The following MUSK variants were observed in gnomAD, a reference collection of about 807,000 sequenced individuals.
MUSK encodes the protein muscle associated receptor tyrosine kinase.
A neutral mutation model predicts 88.7 loss-of-function variants in MUSK; 55 were observed. The observed-to-expected ratio is 0.62, with a 90% CI of 0.50 to 0.78. MUSK has a LOEUF of 0.78. Ranked by LOEUF, MUSK falls within the 30% of genes least tolerant of loss-of-function variation. The pLI is 0.00. For synonymous variants in MUSK, 387 were observed against 391.9 expected (o/e 0.99, Z 0.15); for missense variants, 1,015 against 1,074.3 (o/e 0.94, Z 0.77).
At chr9:110,690,232 ATT>A (rs1432560179) in intron 3 of MUSK, among the ~76,000 whole-genome samples, 1 of 75,426 alleles carries the variant, frequency 1.3e-5, no homozygotes, top group African/African-American at 7.1e-5. Flanking sequence ...ATAAATATAT[ATT>A]TAAGTATATA....
Position 110,775,963 on chromosome 9 carries a change from G to A in MUSK, c.1360G>A (p.Asp454Asn), listed in dbSNP as rs202239254. Residue 454 changes from aspartate to asparagine, a missense_variant and splice_region_variant, in exon 10 of 15, where the codon GAT becomes AAT. Asp to Asn is a conservative substitution (Grantham distance 23). Coordinates refer to ENST00000374448, the MANE Select transcript of MUSK (RefSeq NM_005592.4). The stretch of plus-strand genomic sequence containing the variant: ...GGCCTGTGCCAGACTGCCACATCTA[G>A]GTAACACAGAGTTCTCCCAAGACTT... The part of the protein sequence containing the change: ...PTACARLPHL[D>N]YNKENLKTFP... The A allele has an allele frequency of 3.7e-5, 60 of 1,607,446 alleles. No individual in the cohort carries two copies. Among genetic ancestry groups the A allele is most frequent in the Non-Finnish European group, 4.6e-5 (54 of 1,176,054 alleles).
chr9:110,693,272 C>T (rs1262167190), intron 3 of MUSK, among the ~76,000 whole-genome samples: 1 of 152,106 alleles, frequency 6.6e-6, no homozygotes, highest in African/African-American at 2.4e-5. Flanking sequence ...TCTTTTCTTG[C>T]CTTCTTTTTT....
chr9:110,755,368 T>C (rs2077297387), intron 7 of MUSK, among the ~76,000 whole-genome samples: 1 of 152,182 alleles, frequency 6.6e-6, no homozygotes, highest in African/African-American at 2.4e-5. Flanking sequence ...AGAACAACTA[T>C]GAATCACTCA....
intron 8 of MUSK, among the ~76,000 whole-genome samples, chr9:110,764,207 G>A (rs530335330): frequency 1.3e-5 from 2 of 152,314 alleles, no homozygotes; most frequent in East Asian, 3.9e-4. Flanking sequence ...GTTCTAATGA[G>A]CAACAGGACC....
intron 5 of MUSK, among the ~76,000 whole-genome samples, chr9:110,708,734 C>T (rs1488370119): frequency 6.6e-6 from 1 of 152,062 alleles, no homozygotes; most frequent in Non-Finnish European, 1.5e-5. Context: ...CACTGCATTT[C>T]TCTAAGAAAA....
intron 5 of MUSK, among the ~76,000 whole-genome samples, chr9:110,718,547 T>C (rs1483338375): frequency 6.6e-6 from 1 of 151,950 alleles, no homozygotes; most frequent in Admixed American, 6.6e-5. Context: ...AAATAATTTT[T>C]AAAAATGGAC....
intron 9 of MUSK, among the ~76,000 whole-genome samples, chr9:110,770,336 AATT>A (rs948288537): frequency 1.3e-3 from 197 of 146,004 alleles, no homozygotes; most frequent in Non-Finnish European, 2.2e-3. Flanking sequence ...AATAATTAAT[AATT>A]ATTATATTAA....
intron 11 of MUSK, among the ~76,000 whole-genome samples, chr9:110,776,913 G>C (rs1259734002): frequency 1.3e-5 from 2 of 152,082 alleles, no homozygotes; most frequent in African/African-American, 4.8e-5. Context: ...TTTTTAGTCT[G>C]TTTTATTTCT....
At chr9:110,718,862 T>A (rs949634134) in intron 5 of MUSK, among the ~76,000 whole-genome samples, 4 of 151,984 alleles carry the variant, frequency 2.6e-5, no homozygotes, top group Non-Finnish European at 5.9e-5. Context: ...TAAAGGAAAA[T>A]CTATCAGAGT....
At chr9:110,787,472 T>A (rs765303059) in intron 13 of MUSK, among the ~76,000 whole-genome samples, 2 of 152,172 alleles carry the variant, frequency 1.3e-5, no homozygotes, top group Non-Finnish European at 2.9e-5. Flanking sequence ...CTTCATTGTT[T>A]GAAATTGTTG....
chr9:110,777,700 G>C (rs566739403), intron 11 of MUSK, among the ~76,000 whole-genome samples: 8 of 152,074 alleles, frequency 5.3e-5, no homozygotes, highest in Non-Finnish European at 1.2e-4. Context: ...AGGGTTTGCT[G>C]TGTGGAAGGA....
chr9:110,755,473 C>T (rs1311298062), intron 7 of MUSK, among the ~76,000 whole-genome samples: 1 of 152,112 alleles, frequency 6.6e-6, no homozygotes. Context: ...GTGTTTTCTC[C>T]AACCAATGGG....
chr9:110,755,935 TATATATATATATATACAC>T (rs1440820960), intron 7 of MUSK, among the ~76,000 whole-genome samples: 3 of 77,654 alleles, frequency 3.9e-5, no homozygotes, highest in Non-Finnish European at 7.5e-5. Flanking sequence ...TATATATACA[TATATATATATATATACAC>T]ATATATATAT....
chr9:110,760,757 T>C (rs530881398), intron 7 of MUSK, among the ~76,000 whole-genome samples: 7 of 152,126 alleles, frequency 4.6e-5, no homozygotes, highest in African/African-American at 1.7e-4. Flanking sequence ...GATCACTGAA[T>C]AAAAAGCTCA....
chr9:110,675,995 T>C (rs1427500785), intron 1 of MUSK, among the ~76,000 whole-genome samples: 1 of 152,130 alleles, frequency 6.6e-6, no homozygotes, highest in Non-Finnish European at 1.5e-5. Context: ...GATTATACTA[T>C]TAATTGCTTA....
chr9:110,785,829 C>CAT (rs1377161074), intron 13 of MUSK, 111 bp downstream of exon 13: 2 of 581,694 alleles, frequency 3.4e-6, no homozygotes, highest in Non-Finnish European at 5.5e-6. Context: ...TATATACACA[C>CAT]ACATATATAT....
At chr9:110,713,237 G>C (rs1394496165) in intron 5 of MUSK, among the ~76,000 whole-genome samples, 6 of 151,000 alleles carry the variant, frequency 4.0e-5, no homozygotes, top group Non-Finnish European at 5.9e-5. Context: ...TCATCTTCTT[G>C]GTATCTTCTC....
At chr9:110,758,201 T>C (rs1268472062) in intron 7 of MUSK, among the ~76,000 whole-genome samples, 1 of 152,200 alleles carries the variant, frequency 6.6e-6, no homozygotes, top group East Asian at 1.9e-4. Context: ...TGGGCTCAAA[T>C]GATCCTCCTG....
Position 110,712,772 on chromosome 9 carries a change from T to C in MUSK, c.628+15306T>C, listed in dbSNP as rs528497041. ...TTAGGATAGCTTCAAATTCATCCATTTGTGGAATGCCTACTATGTTCTATG... is the reference window on the plus strand; with the variant it reads ...TTAGGATAGCTTCAAATTCATCCATCTGTGGAATGCCTACTATGTTCTATG... On this transcript the variant is annotated intron_variant, in intron 5 of 14. Transcript: ENST00000374448. 2.0e-5 allele frequency among the ~76,000 whole-genome samples: 3 copies of C among 152,304 alleles called. No homozygotes were observed. The South Asian group carries it at 6.2e-4, about 32-fold the overall frequency.
Sources: allele counts gnomAD v4.1 joint callset (sites outside exome capture counted in the v4.1 genomes callset), GRCh38; gene constraint gnomAD v4.1.1; transcripts MANE v1.5; gene names NCBI Gene and HGNC (gene_info 2026-07-23, HGNC 2026-07-21).